The following DLL3 variants were observed in gnomAD, a reference collection of about 807,000 sequenced individuals.
DLL3 encodes the protein delta like canonical Notch ligand 3.
In DLL3, 49 loss-of-function variants were observed where a neutral mutation model predicts 55.0. The ratio of observed to expected loss-of-function variants is 0.89; its 90% CI spans 0.71 to 1.13. The LOEUF (loss-of-function observed/expected upper bound fraction) is 1.13. Ranked by LOEUF, DLL3 falls within the 50% of genes most tolerant of loss-of-function variation. The pLI is 0.00. For synonymous variants in DLL3, 421 were observed against 385.2 expected, an observed-to-expected ratio of 1.09 and a Z score of -1.09; for missense variants, 962 against 875.5, an observed-to-expected ratio of 1.10 and a Z score of -1.25.
At chr19:39,506,166 C>T (rs1416788958) in intron 6 of DLL3, among the ~76,000 whole-genome samples, 2 of 128,260 alleles carry the variant, frequency 1.6e-5, no homozygotes, top group African/African-American at 3.0e-5. Context: ...GAGCCGAGAT[C>T]ATGCCACTGC....
At chr19:39,500,739 T>G in intron 3 of DLL3, 67 bp downstream of exon 3, 1 of 1,397,056 alleles carries the variant, frequency 7.2e-7, no homozygotes, top group South Asian at 1.2e-5. Flanking sequence ...GTTGGTGGTG[T>G]TATCTATAGG....
chr19:39,505,342 C>A lies in DLL3; in HGVS notation c.984C>A (p.Val328=), dbSNP rs138378695. The change falls in exon 6 of 9, where the codon GTC becomes GTA. Residue 328 remains valine, a synonymous_variant. Transcript: ENST00000356433. ...CCTGCTTCAACGGCGGCTTGTGTGTCGGGGGTGCAGACCCTGACTCTGCCT... is the reference window on the plus strand; with the variant it reads ...CCTGCTTCAACGGCGGCTTGTGTGTAGGGGGTGCAGACCCTGACTCTGCCT... The part of the protein sequence containing the change: ...DGPCFNGGLC[V]GGADPDSAYI... 6.2e-7 allele frequency: 1 copy of A among 1,614,144 alleles called. No individual in the cohort carries two copies. Among genetic ancestry groups the A allele is most frequent in the Admixed American group, 1.7e-5 (1 of 60,018 alleles).
At chr19:39,500,781 G>A in intron 3 of DLL3, 109 bp downstream of exon 3, 1 of 982,086 alleles carries the variant, frequency 1.0e-6, no homozygotes, top group Non-Finnish European at 1.6e-6. Flanking sequence ...CCTGGGATGT[G>A]GTGCTGAGTG....
Position 39,500,622 on chromosome 19 carries a change from T to C in DLL3, c.359T>C (p.Phe120Ser). ...CTTCCTTCACCCAACCAGGGCACCT[T>C]CTCTTTCATCATCGAAACCTGGAGA... ...VPFRDAWPGT[F>S]SFIIETWREE... The change falls in exon 3 of 9, where the codon TTC becomes TCC. Residue 120 changes from phenylalanine (F) to serine (S), a missense_variant. Phe to Ser is a radical substitution (Grantham distance 155). Transcript: ENST00000356433. The C allele has an allele frequency of 6.2e-7, 1 of 1,613,384 alleles. No individual in the cohort carries two copies. Among genetic ancestry groups the C allele is most frequent in the Non-Finnish European group, 8.5e-7 (1 of 1,179,544 alleles).
chr19:39,500,429 C>G lies in DLL3; in HGVS notation c.352-186C>G, dbSNP rs543702279. ...TGACAAAGTGAGATTCTCCCCCCCC[C>G]CCCAAAAAAAAGCCACAGATGTCAT... On this transcript the variant is annotated intron_variant, in intron 2 of 8. Coordinates refer to ENST00000356433, the MANE Select transcript of DLL3 (RefSeq NM_203486.3). Among the ~76,000 whole-genome samples the G allele has an allele frequency of 2.8e-4, 41 of 145,128 alleles. 1 individual carries two copies. Among genetic ancestry groups the G allele is most frequent in the South Asian group, 1.8e-3 (8 of 4,410 alleles).
chr19:39,505,906 A>G (rs1316021161), intron 6 of DLL3, among the ~76,000 whole-genome samples: 1 of 152,104 alleles, frequency 6.6e-6, no homozygotes, highest in African/African-American at 2.4e-5. Flanking sequence ...GAGACCTGAT[A>G]TCGGTGCTAA....
chr19:39,507,606 G>C lies in DLL3; in HGVS notation c.1661G>C (p.Gly554Ala). 1 of 1,607,652 alleles carries C rather than the reference G, an allele frequency of 6.2e-7. No individual in the cohort carries two copies. The change falls in exon 7 of 9, where the codon GGG (glycine) becomes GCG (alanine). Residue 554 changes from glycine to alanine, a missense_variant. Gly to Ala is a moderately conservative substitution (Grantham distance 60). Transcript: ENST00000356433. ...AACCTAAGGACGCAGGAGGGTTCCG[G>C]GGATGGTCCGAGGTGAGGGGCTGCG... The part of the protein sequence containing the change: ...LNNLRTQEGS[G>A]DGPSSSVDWN...
At position 39,507,536 on chromosome 19, in the gene DLL3, G is replaced by C; in HGVS notation, c.1591G>C (p.Gly531Arg). ...GGATGCTGGGTCTCGCTTGCTGGCTGGGACCCCGGAGCCGTCAGTCCACGC... is the reference window on the plus strand; with the variant it reads ...GGATGCTGGGTCTCGCTTGCTGGCTCGGACCCCGGAGCCGTCAGTCCACGC... Reference protein sequence around the residue: ...SQDAGSRLLAGTPEPSVHALP... With the variant: ...SQDAGSRLLARTPEPSVHALP... The change falls in exon 7 of 9, where the codon GGG becomes CGG. Residue 531 changes from glycine to arginine, a missense_variant. Transcript: ENST00000356433. 1 of 1,605,862 alleles carries C rather than the reference G, an allele frequency of 6.2e-7. No homozygotes were observed. The highest frequency in any genetic ancestry group is 8.5e-7 in the Non-Finnish European group (1 of 1,177,042).
chr19:39,504,645 G>C (rs937792584), intron 5 of DLL3, among the ~76,000 whole-genome samples: 2 of 152,166 alleles, frequency 1.3e-5, no homozygotes, highest in African/African-American at 4.8e-5. Flanking sequence ...GGGCACAGGG[G>C]GTGGAGACAT....
chr19:39,501,911 C>T (rs1029632976), intron 3 of DLL3, among the ~76,000 whole-genome samples: 5 of 152,088 alleles, frequency 3.3e-5, no homozygotes, highest in Non-Finnish European at 5.9e-5. Flanking sequence ...CAAGGCCCGG[C>T]GCGGTGGCTC....
Position 39,507,891 on chromosome 19 carries a change from G to T in DLL3, c.1735G>T (p.Ala579Ser), listed in dbSNP as rs758939727. The change falls in exon 8 of 9, where the codon GCT becomes TCT. Residue 579 changes from alanine (A) to serine (S), a missense_variant. Transcript: ENST00000356433. ...CCCTCAAGGGATTTATGTCATATCT[G>T]CTCCTTCCATCTACGCTCGGGAGGT... ...VDPQGIYVIS[A>S]PSIYAREA The T allele has an allele frequency of 2.0e-5, 32 of 1,614,128 alleles. No individual in the cohort carries two copies. The highest frequency in any genetic ancestry group is 2.7e-5 in the Non-Finnish European group (32 of 1,180,032).
Position 39,507,242 on chromosome 19 carries a change from T to G in DLL3, c.1297T>G (p.Cys433Gly). ...CGACTGCCGCGAGCGCGCGGACCCG[T>G]GCGCCGCGCGCCCCTGTGCTCACGG... ...GRDCRERADP[C>G]AARPCAHGGR... The change falls in exon 7 of 9, where the codon TGC (cysteine) becomes GGC (glycine). Residue 433 changes from cysteine (C) to glycine (G), a missense_variant. Transcript: ENST00000356433. 1 of 1,499,832 alleles carries G rather than the reference T, an allele frequency of 6.7e-7. No homozygotes were observed. Among genetic ancestry groups the G allele is most frequent in the Non-Finnish European group, 8.8e-7 (1 of 1,131,660 alleles). 92.9% of individuals were successfully genotyped at this position (1,499,832 alleles called of 1,614,324 possible).
intron 3 of DLL3, 78 bp downstream of exon 3, chr19:39,500,750 T>A: frequency 1.6e-6 from 2 of 1,256,326 alleles, no homozygotes; most frequent in South Asian, 1.2e-5. Flanking sequence ...TATCTATAGG[T>A]CTTATGATGT....
Position 39,507,410 on chromosome 19 carries a change from C to T in DLL3, c.1465C>T (p.Gln489Ter). ...APPGLRPGDP[Q>*]RYLLPPALGL... ...GCCGGGCCTCAGGCCCGGGGACCCT[C>T]AGCGCTACCTTTTGCCTCCGGCTCT... is the stretch of plus-strand genomic sequence containing the variant. The change falls in exon 7 of 9, where the codon CAG (glutamine) becomes TAG (stop). Residue 489 changes from glutamine (Q) to a stop codon, truncating the protein, a stop_gained. Transcript: ENST00000356433. LOFTEE classifies it high-confidence loss of function. The T allele has an allele frequency of 6.3e-7, 1 of 1,587,620 alleles. No homozygotes were observed. The highest frequency in any genetic ancestry group is 1.3e-5 in the African/African-American group (1 of 74,552).
intron 3 of DLL3, 94 bp downstream of exon 3, chr19:39,500,766 C>T (rs1401550204): frequency 8.9e-7 from 1 of 1,127,632 alleles, no homozygotes; most frequent in Non-Finnish European, 1.3e-6. Flanking sequence ...GATGTCATCA[C>T]AGCTCCTGGG....
In DLL3 at chr19:39,504,105, C is replaced by T; in HGVS notation, c.687C>T (p.Gly229=). 3 of 1,613,396 alleles carry T rather than the reference C, an allele frequency of 1.9e-6. No individual in the cohort carries two copies. The highest frequency in any genetic ancestry group is 2.2e-5 in the East Asian group (1 of 44,890). The change falls in exon 5 of 9, where the codon GGC becomes GGT. Residue 229 remains glycine, a synonymous_variant. Coordinates refer to ENST00000356433, the MANE Select transcript of DLL3 (RefSeq NM_203486.3). ...GAGCAGGCTGCAGCCCTGAGCATGG[C>T]TTCTGTGAACAGCCCGGTGAATGCC... ...VCRAGCSPEH[G]FCEQPGECRC...
At position 39,498,983 on chromosome 19, in the gene DLL3, C is replaced by G. The variant is rs377714119; in HGVS notation, c.9C>G (p.Ser3=). The part of the protein sequence containing the change: MV[S]PRMSGLLSQT... ...CCCCCCACCAGAAGGCCATGGTCTC[C>G]CCACGGATGTCCGGGCTCCTCTCCC... The change falls in exon 1 of 9, where the codon TCC becomes TCG. Residue 3 remains serine (S), a synonymous_variant. Transcript: ENST00000356433. 8 of 1,613,906 alleles carry G rather than the reference C, an allele frequency of 5.0e-6. No individual in the cohort carries two copies. In the South Asian group the frequency reaches 6.6e-5, roughly 13 times the overall value.
In DLL3 at chr19:39,504,223, G is replaced by A. The variant is rs139297205; in HGVS notation, c.805G>A (p.Gly269Arg). The part of the protein sequence containing the change: ...SPRGPSSATT[G>R]CLVPGPGPCD... The stretch of plus-strand genomic sequence containing the variant: ...CAGGGGCCCGTCCTCTGCTACCACC[G>A]GATGCCTTGTCCCTGGGCCTGGGCC... The change falls in exon 5 of 9, where the codon GGA becomes AGA. Residue 269 changes from glycine to arginine, a missense_variant. Physicochemically the swap from Gly to Arg is moderately radical, Grantham distance 125. Transcript: ENST00000356433. The A allele has an allele frequency of 4.3e-4, 690 of 1,612,954 alleles. 3 individuals are homozygous for A. The highest frequency in any genetic ancestry group is 4.9e-4 in the Non-Finnish European group (574 of 1,180,022).
chr19:39,502,265 T>C (rs1022498454), intron 3 of DLL3, among the ~76,000 whole-genome samples: 1 of 151,808 alleles, frequency 6.6e-6, no homozygotes. Context: ...ACTGTTTATT[T>C]TTTATTTTTA....
Sources: allele counts gnomAD v4.1 joint callset (sites outside exome capture counted in the v4.1 genomes callset), GRCh38; gene constraint gnomAD v4.1.1; transcripts MANE v1.5; gene names NCBI Gene and HGNC (gene_info 2026-07-23, HGNC 2026-07-21).